GNAO1: variants seen among roughly 807,000 people sequenced by gnomAD.
GNAO1 encodes G protein subunit alpha o1.
For missense variants in GNAO1, 166 were observed against 478.7 expected (o/e 0.35, Z 6.10); for synonymous variants, 164 against 180.7 (o/e 0.91, Z 0.74).
At chr16:56,229,906 G>A (rs2143394291) in intron 2 of GNAO1, among the ~76,000 whole-genome samples, 1 of 152,260 alleles carries the variant, frequency 6.6e-6, no homozygotes, top group Non-Finnish European at 1.5e-5. Flanking sequence ...AGCTTTTGTG[G>A]AAGAAGATGG....
intron 6 of GNAO1, chr16:56,347,319 G>T: frequency 1.0e-6 from 1 of 985,494 alleles, no homozygotes; most frequent in Non-Finnish European, 1.2e-6. Context: ...AGTGCCGAAG[G>T]CAGTCACCCC....
rs1347831555 is a variant in GNAO1 at position 56,323,814 on chromosome 16, C to T, written c.304-4817C>T. ...GGAGCAGGCTGAAGAGGAGAAGGAC[C>T]GAGGCAGGGAGCCCATGGGAGGGAA... On this transcript the variant is annotated intron_variant, in intron 3 of 8. Transcript: ENST00000262493. Among the ~76,000 whole-genome samples, 9 of 152,038 alleles carry T rather than the reference C, an allele frequency of 5.9e-5. No homozygotes were observed. The East Asian group carries it at 9.6e-4, about 16-fold the overall frequency.
intron 2 of GNAO1, among the ~76,000 whole-genome samples, chr16:56,244,446 G>C (rs1213879472): frequency 6.6e-6 from 1 of 151,410 alleles, no homozygotes. Flanking sequence ...CTGAAATTAC[G>C]TCCCACCAGG....
At chr16:56,334,012 C>G (rs775124507) in intron 4 of GNAO1, among the ~76,000 whole-genome samples, 2 of 152,258 alleles carry the variant, frequency 1.3e-5, no homozygotes, top group Non-Finnish European at 2.9e-5. Context: ...GAGTGCTTGG[C>G]CTGAGGCCTG....
At chr16:56,251,813 ACT>A (rs1567455397) in intron 2 of GNAO1, among the ~76,000 whole-genome samples, 2 of 152,022 alleles carry the variant, frequency 1.3e-5, no homozygotes, top group African/African-American at 4.8e-5. Context: ...TCTCCCTCTC[ACT>A]CTGCACTCCA....
chr16:56,280,204 C>T (rs1451939223), intron 3 of GNAO1, among the ~76,000 whole-genome samples: 2 of 152,218 alleles, frequency 1.3e-5, no homozygotes, highest in African/African-American at 4.8e-5. Flanking sequence ...ACAGCCCTTG[C>T]ACATGGTGGG....
chr16:56,347,476 A>C lies in GNAO1; in HGVS notation c.724-3908A>C, dbSNP rs954785225. ...TCAGCAAGAAGAGTCCTGACCCCTG[A>C]CCCCACCCTGCCCAGAGAGGAGCTG... On this transcript the variant is annotated intron_variant, in intron 6 of 8. Transcript: ENST00000262493. 112 of 985,024 alleles carry C rather than the reference A, an allele frequency of 1.1e-4. No individual in the cohort carries two copies. The African/African-American group carries it at 1.8e-3, about 16-fold the overall frequency. 61.0% of individuals were successfully genotyped at this position (985,024 alleles called of 1,614,324 possible). A position where few individuals can be genotyped will look rare whatever the true frequency, so the allele number is the denominator to read the frequency against.
intron 6 of GNAO1, among the ~76,000 whole-genome samples, chr16:56,348,712 C>A (rs550074472): frequency 6.6e-6 from 1 of 152,180 alleles, no homozygotes; most frequent in Non-Finnish European, 1.5e-5. Context: ...GGCAGCGTGC[C>A]GAGGGAGGGC....
chr16:56,327,256 G>A (rs2037643099), intron 3 of GNAO1, among the ~76,000 whole-genome samples: 1 of 152,010 alleles, frequency 6.6e-6, no homozygotes, highest in African/African-American at 2.4e-5. Flanking sequence ...GCGATGGCAG[G>A]GCCCACGAGG....
intron 3 of GNAO1, among the ~76,000 whole-genome samples, chr16:56,313,892 T>G (rs1351577443): frequency 2.0e-5 from 3 of 152,128 alleles, no homozygotes; most frequent in Admixed American, 2.0e-4. Context: ...GGGGCCACCA[T>G]GCCTGGCTAA....
rs1465690940 is a variant in GNAO1, at chr16:56,351,936, A to T, written c.877+399A>T. The stretch of plus-strand genomic sequence containing the variant: ...CCCACAGCACCTTTGCATGAAACCG[A>T]AAAGTGGACACGTGGCCTGTGAACA... On this transcript the variant is annotated intron_variant, in intron 7 of 8. Coordinates refer to ENST00000262493, the MANE Select transcript of GNAO1 (RefSeq NM_020988.3). The surrounding 1 kb of genome is among the most constrained non-coding windows in gnomAD (Gnocchi z 6.1). 1 of 178,724 alleles carries T rather than the reference A, an allele frequency of 5.6e-6. No homozygotes were observed. The highest frequency in any genetic ancestry group is 1.2e-5 in the Non-Finnish European group (1 of 85,138). 11.1% of individuals were successfully genotyped at this position (178,724 alleles called of 1,614,324 possible). A position where few individuals can be genotyped will look rare whatever the true frequency, so the allele number is the denominator to read the frequency against.
At chr16:56,340,622 C>T (rs533322370) in intron 6 of GNAO1, 159 of 586,648 alleles carry the variant, frequency 2.7e-4, no homozygotes, top group African/African-American at 2.4e-3. Context: ...GGCCCTGCTC[C>T]GCCCCGCCCT....
intron 2 of GNAO1, among the ~76,000 whole-genome samples, chr16:56,269,547 C>T (rs56335132): frequency 0.013 from 2,030 of 152,314 alleles, 33 homozygotes; most frequent in South Asian, 0.051. Flanking sequence ...TCTGTTACCA[C>T]GCCCATCTCC....
chr16:56,221,699 T>C (rs1348677234), intron 2 of GNAO1, among the ~76,000 whole-genome samples: 3 of 149,114 alleles, frequency 2.0e-5, no homozygotes, highest in African/African-American at 7.4e-5. Context: ...ATGCAGATGA[T>C]GAAATTATAG....
At position 56,291,965 on chromosome 16, in the gene GNAO1, A is replaced by G. The variant is rs142795129; in HGVS notation, c.303+15893A>G. Reference sequence around the variant, plus strand: ...TCTTAATATCATTGCCTTGGGGATTAGGTTTTGAGCACGCGAATTGTGGAC... The same window carrying G: ...TCTTAATATCATTGCCTTGGGGATTGGGTTTTGAGCACGCGAATTGTGGAC... On this transcript the variant is annotated intron_variant, in intron 3 of 8. Transcript: ENST00000262493. 1.8e-3 allele frequency among the ~76,000 whole-genome samples: 269 copies of G among 152,320 alleles called. 3 individuals carry two copies. Among genetic ancestry groups the G allele is most frequent in the Admixed American group, 0.013 (198 of 15,300 alleles).
Position 56,191,614 on chromosome 16 carries a change from G to A in GNAO1, c.-622G>A, listed in dbSNP as rs368329897. 19 of 153,198 alleles carry A rather than the reference G, an allele frequency of 1.2e-4. No homozygotes were observed. The East Asian group carries it at 3.3e-3, about 27-fold the overall frequency. 9.5% of individuals were successfully genotyped at this position (153,198 alleles called of 1,614,324 possible). A position where few individuals can be genotyped will look rare whatever the true frequency, so the allele number is the denominator to read the frequency against. On this transcript the variant is annotated 5_prime_UTR_variant, in exon 1 of 9. Coordinates refer to ENST00000262493, the MANE Select transcript of GNAO1 (RefSeq NM_020988.3). This position sits in a 1 kb window ranked among gnomAD's most constrained non-coding sequence, Gnocchi z 4.7. ...CGACGCCGCCTCCCGCTAGAGACCT[G>A]CCCCTCGGCCCGGCCCCCTGCCCAA...
chr16:56,355,108 G>T (rs2037955346), intron 8 of GNAO1, 27 bp downstream of exon 8: 3 of 1,017,618 alleles, frequency 2.9e-6, no homozygotes, highest in Non-Finnish European at 4.5e-6. Context: ...CCACAGAACA[G>T]CTTGCGTGCG....
chr16:56,201,803 A>G (rs1274692469), intron 2 of GNAO1, among the ~76,000 whole-genome samples: 2 of 152,220 alleles, frequency 1.3e-5, no homozygotes, highest in Non-Finnish European at 2.9e-5. Context: ...ATGGTAGTTA[A>G]ATGCAGGAGG....
chr16:56,196,605 C>T (rs1341087589), intron 2 of GNAO1, among the ~76,000 whole-genome samples: 3 of 152,144 alleles, frequency 2.0e-5, no homozygotes, highest in Non-Finnish European at 4.4e-5. Context: ...CTCTGGGAGC[C>T]ACAGTTTGCC....
Sources: gnomAD v4.1 joint callset for allele counts (sites outside exome capture counted in the v4.1 genomes callset) on GRCh38, gnomAD v4.1.1 for gene constraint, Gnocchi (gnomAD v3.1) non-coding constraint, MANE v1.5 for transcripts, NCBI Gene and HGNC (gene_info 2026-07-23, HGNC 2026-07-21) for gene names.